The following FGD4 variants were observed in gnomAD, a reference collection of about 807,000 sequenced individuals.
FGD4 encodes the protein FYVE, RhoGEF and PH domain-containing protein 4.
A neutral mutation model predicts 102.0 loss-of-function variants in FGD4; 42 were observed. The observed-to-expected ratio is 0.41, with a 90% CI of 0.32 to 0.53. The LOEUF is 0.53. Ranked by LOEUF, FGD4 falls within the 20% of genes least tolerant of loss-of-function variation. FGD4 has a pLI of 0.21. For missense variants in FGD4, 902 were observed against 1,078.2 expected (o/e 0.84, Z 2.29); for synonymous variants, 380 against 375.7 (o/e 1.01, Z -0.13).
chr12:32,467,530 T>C (rs995241119), intron 1 of FGD4, among the ~76,000 whole-genome samples: 7 of 152,204 alleles, frequency 4.6e-5, no homozygotes, highest in Non-Finnish European at 1.0e-4. Flanking sequence ...CATATAAACC[T>C]TGAAAGGAGC....
intron 1 of FGD4, among the ~76,000 whole-genome samples, chr12:32,434,320 T>C (rs1942156465): frequency 6.6e-6 from 1 of 152,212 alleles, no homozygotes; most frequent in South Asian, 2.1e-4. Flanking sequence ...CTGTGTGAGT[T>C]TGCATTAGAT....
At chr12:32,566,220 G>GA (rs1481699917) in intron 2 of FGD4, among the ~76,000 whole-genome samples, 8 of 152,236 alleles carry the variant, frequency 5.3e-5, no homozygotes, top group African/African-American at 1.9e-4. Flanking sequence ...TCACAGGGTG[G>GA]AAGGGGTGAG....
intron 1 of FGD4, among the ~76,000 whole-genome samples, chr12:32,491,727 A>G (rs1944101162): frequency 6.6e-6 from 1 of 152,170 alleles, no homozygotes; most frequent in Non-Finnish European, 1.5e-5. Flanking sequence ...TAATGTTCCT[A>G]GGTATGCTAC....
In FGD4 at chr12:32,643,342, G is replaced by T. The variant is rs1030193164; in HGVS notation, c.*2809G>T. On this transcript the variant is annotated 3_prime_UTR_variant, in exon 17 of 17. Coordinates refer to ENST00000534526, the MANE Select transcript of FGD4 (RefSeq NM_001370298.3). Reference sequence around the variant, plus strand: ...TTTATACTGAAAATTTAATATGAAGGCCCCTTCCCACAAGAATATAGATAA... The same window carrying T: ...TTTATACTGAAAATTTAATATGAAGTCCCCTTCCCACAAGAATATAGATAA... 2.0e-4 allele frequency: 31 copies of T among 152,276 alleles called. No individual in the cohort carries two copies. The highest frequency in any genetic ancestry group is 7.3e-4 in the African/African-American group (30 of 41,362). The allele number at this position is 152,276 out of a possible 1,614,324, so 9.4% of individuals were successfully genotyped here. A position where few individuals can be genotyped will look rare whatever the true frequency, so the allele number is the denominator to read the frequency against.
chr12:32,534,303 C>G (rs1038497468), intron 1 of FGD4: 1 of 1,330,578 alleles, frequency 7.5e-7, no homozygotes, highest in African/African-American at 1.5e-5. Context: ...GCAGTAAGTT[C>G]GAAGAATGCA....
At chr12:32,601,840 C>T (rs551395425) in intron 6 of FGD4, among the ~76,000 whole-genome samples, 3 of 152,334 alleles carry the variant, frequency 2.0e-5, no homozygotes, top group South Asian at 2.1e-4. Context: ...GGCGTGGTGG[C>T]TCATGCCTAT....
At chr12:32,553,978 G>T (rs923712363) in intron 1 of FGD4, among the ~76,000 whole-genome samples, 1 of 152,128 alleles carries the variant, frequency 6.6e-6, no homozygotes, top group Non-Finnish European at 1.5e-5. Flanking sequence ...TGTAGTCACA[G>T]CTACTCAGGA....
rs1946669350 is a variant in FGD4 at position 32,582,189 on chromosome 12, G to A, written c.733G>A (p.Ala245Thr). Reference protein sequence around the residue: ...NQMECEEEKAATLSSDTSIQA... With the variant: ...NQMECEEEKATTLSSDTSIQA... ...GATGGAATGTGAGGAGGAGAAAGCT[G>A]CCACTCTTAGCTCAGATACTTCTAT... The change falls in exon 4 of 17, where the codon GCC (alanine) becomes ACC (threonine). Residue 245 changes from alanine to threonine, a missense_variant. Ala to Thr is a moderately conservative substitution (Grantham distance 58, BLOSUM62 0). Around this residue, in one of 2 missense-constraint regions of FGD4, gnomAD observed 443 missense variants for 459.2 expected, o/e 0.96. Transcript: ENST00000534526. The A allele has an allele frequency of 1.2e-6, 2 of 1,614,204 alleles. No homozygotes were observed. The highest frequency in any genetic ancestry group is 1.7e-6 in the Non-Finnish European group (2 of 1,180,046).
At chr12:32,578,684 G>A (rs773243808) in intron 3 of FGD4, among the ~76,000 whole-genome samples, 1 of 152,046 alleles carries the variant, frequency 6.6e-6, no homozygotes, top group Non-Finnish European at 1.5e-5. Context: ...ACAAAAATTA[G>A]CCAGGTATGG....
At chr12:32,483,650 G>A (rs573371722) in intron 1 of FGD4, among the ~76,000 whole-genome samples, 1 of 152,292 alleles carries the variant, frequency 6.6e-6, no homozygotes, top group East Asian at 1.9e-4. Flanking sequence ...TGGTCAGTTT[G>A]AAGTTTCCTG....
intron 1 of FGD4, among the ~76,000 whole-genome samples, chr12:32,469,310 G>A (rs1386193472): frequency 6.6e-6 from 1 of 151,624 alleles, no homozygotes; most frequent in Non-Finnish European, 1.5e-5. Context: ...ACAGAGTCTT[G>A]CTCTGTCGCC....
At chr12:32,489,058 A>G (rs1339267401) in intron 1 of FGD4, among the ~76,000 whole-genome samples, 2 of 152,226 alleles carry the variant, frequency 1.3e-5, no homozygotes, top group African/African-American at 2.4e-5. Context: ...CCACAGTAGT[A>G]CTGGTTTTTT....
At chr12:32,638,861 C>T (rs758578608) in intron 16 of FGD4, 66 bp downstream of exon 16, 42 of 1,609,230 alleles carry the variant, frequency 2.6e-5, no homozygotes, top group Middle Eastern at 3.3e-4. Context: ...GAGTGGACAG[C>T]GGACTCAAAA....
At chr12:32,401,530 G>A (rs1406251169) in intron 1 of FGD4, among the ~76,000 whole-genome samples, 2 of 151,978 alleles carry the variant, frequency 1.3e-5, no homozygotes, top group African/African-American at 4.8e-5. Context: ...CAAAGTGCTG[G>A]GATTACAGAT....
At chr12:32,434,269 G>A (rs528119374) in intron 1 of FGD4, among the ~76,000 whole-genome samples, 40 of 152,244 alleles carry the variant, frequency 2.6e-4, no homozygotes, top group Admixed American at 1.2e-3. Context: ...AAACTTTGTC[G>A]CTGCTTATAA....
In FGD4 at chr12:32,438,835, C is replaced by T. The variant is rs572900460; in HGVS notation, c.166+38876C>T. Reference sequence around the variant, plus strand: ...ATGTTAGCCAGGATGGTCTCGATCTCCTGACCTCGTGATCCGCCTGCCTTG... The same window carrying T: ...ATGTTAGCCAGGATGGTCTCGATCTTCTGACCTCGTGATCCGCCTGCCTTG... On this transcript the variant is annotated intron_variant, in intron 1 of 16. Coordinates refer to ENST00000534526, the MANE Select transcript of FGD4 (RefSeq NM_001370298.3). Among the ~76,000 whole-genome samples the T allele has an allele frequency of 4.6e-5, 7 of 151,996 alleles. 1 individual carries two copies. The highest frequency in any genetic ancestry group is 1.7e-4 in the African/African-American group (7 of 41,448).
intron 4 of FGD4, among the ~76,000 whole-genome samples, chr12:32,589,742 G>A (rs987412983): frequency 1.3e-4 from 20 of 152,022 alleles, no homozygotes; most frequent in African/African-American, 4.1e-4. Context: ...CCCATGTCAC[G>A]AAAGAACGTA....
intron 4 of FGD4, among the ~76,000 whole-genome samples, chr12:32,583,995 T>C (rs1946812972): frequency 6.6e-6 from 1 of 152,236 alleles, no homozygotes; most frequent in African/African-American, 2.4e-5. Context: ...ATGATGCCTA[T>C]GGTTGTTGGA....
chr12:32,596,694 G>A (rs939198839), intron 4 of FGD4, among the ~76,000 whole-genome samples: 1 of 151,804 alleles, frequency 6.6e-6, no homozygotes, highest in African/African-American at 2.4e-5. Context: ...CCAGCACTTT[G>A]CGGGGCTGAG....
Sources: allele counts gnomAD v4.1 joint callset (sites outside exome capture counted in the v4.1 genomes callset), GRCh38; gene constraint gnomAD v4.1.1; regional missense constraint gnomAD v4.1.1; transcripts MANE v1.5; gene names NCBI Gene and HGNC (gene_info 2026-07-23, HGNC 2026-07-21).